The following RAB7A variants were observed in gnomAD, a reference collection of about 807,000 sequenced individuals.
RAB7A encodes ras-related protein Rab-7a.
RAB7A carries 2 observed loss-of-function variants against 24.5 expected under a neutral mutation model. That is an observed-to-expected ratio of 0.08 (90% CI 0.03 to 0.26). RAB7A has a LOEUF of 0.26. Among genes scored for constraint, RAB7A ranks in the 10% least tolerant of loss-of-function variants. The pLI is 1.00. For missense variants in RAB7A, 118 were observed against 255.7 expected, an observed-to-expected ratio of 0.46 and a Z score of 3.67; for synonymous variants, 100 against 95.9, an observed-to-expected ratio of 1.04 and a Z score of -0.25.
At chr3:128,761,717 C>T (rs530416845) in intron 1 of RAB7A, among the ~76,000 whole-genome samples, 83 of 152,310 alleles carry the variant, frequency 5.4e-4, no homozygotes, top group African/African-American at 2.0e-3. Flanking sequence ...CAGCTGTCAA[C>T]CTATAAATCC....
chr3:128,735,243 GAGTTGGGAAACCATTAT>G (rs2070479797), intron 1 of RAB7A, among the ~76,000 whole-genome samples: 1 of 152,218 alleles, frequency 6.6e-6, no homozygotes, highest in Non-Finnish European at 1.5e-5. Flanking sequence ...AGGCAGGTGA[GAGTTGGGAAACCATTAT>G]AGTTGGAAAG....
At chr3:128,789,536 T>C (rs1197370404) in intron 1 of RAB7A, among the ~76,000 whole-genome samples, 1 of 152,062 alleles carries the variant, frequency 6.6e-6, no homozygotes, top group Non-Finnish European at 1.5e-5. Flanking sequence ...TTTTACCATG[T>C]TGGCCAGGCT....
At chr3:128,786,097 A>G (rs1933333656) in intron 1 of RAB7A, among the ~76,000 whole-genome samples, 1 of 152,106 alleles carries the variant, frequency 6.6e-6, no homozygotes. Context: ...AAACCAAGTG[A>G]CTCCTGATGA....
chr3:128,730,488 A>G (rs1347377500), intron 1 of RAB7A, among the ~76,000 whole-genome samples: 1 of 152,186 alleles, frequency 6.6e-6, no homozygotes, highest in African/African-American at 2.4e-5. Context: ...TCGGCCTCCC[A>G]AAGTGCTGGA....
intron 1 of RAB7A, among the ~76,000 whole-genome samples, chr3:128,778,843 C>G (rs113361757): frequency 0.012 from 1,822 of 152,096 alleles, 32 homozygotes; most frequent in African/African-American, 0.039. Context: ...TTTTGGTGAT[C>G]GATAGACTGG....
chr3:128,737,875 C>T (rs1442973632), intron 1 of RAB7A, among the ~76,000 whole-genome samples: 6 of 122,490 alleles, frequency 4.9e-5, no homozygotes, highest in African/African-American at 6.4e-5. Context: ...AGAGTTTCAC[C>T]GTGTTGCCTA....
At chr3:128,763,537 A>C (rs1185107315) in intron 1 of RAB7A, among the ~76,000 whole-genome samples, 1 of 152,114 alleles carries the variant, frequency 6.6e-6, no homozygotes, top group Non-Finnish European at 1.5e-5. Context: ...ATTTTTGACA[A>C]GAATACTTCA....
intron 1 of RAB7A, among the ~76,000 whole-genome samples, chr3:128,749,696 A>G (rs1302084593): frequency 6.6e-6 from 1 of 152,078 alleles, no homozygotes; most frequent in African/African-American, 2.4e-5. Context: ...GGCTATTGAG[A>G]GTTTCCCTGC....
chr3:128,762,604 T>A (rs1259282782), intron 1 of RAB7A, among the ~76,000 whole-genome samples: 1 of 152,180 alleles, frequency 6.6e-6, no homozygotes, highest in Admixed American at 6.5e-5. Context: ...TGAGAGTTAC[T>A]GGTCAGACAA....
rs1174944964 is a variant in RAB7A at position 128,763,208 on chromosome 3, A to ATTTTTTTTT, written c.-8-32136_-8-32128dup. Among the ~76,000 whole-genome samples the ATTTTTTTTT allele has an allele frequency of 2.2e-4, 17 of 76,058 alleles. 1 individual carries two copies. Among genetic ancestry groups the ATTTTTTTTT allele is most frequent in the African/African-American group, 6.5e-4 (8 of 12,250 alleles). The allele number at this position is 76,058 out of a possible 152,430, so 49.9% of individuals were successfully genotyped here. ...TTAGCTTATATATATATATATATAT[A>ATTTTTTTTT]TTTTTTTTTTTTTTTTTTTTTTTTG... On this transcript the variant is annotated intron_variant, in intron 1 of 5. Transcript: ENST00000265062.
chr3:128,786,159 C>T (rs1449199924), intron 1 of RAB7A, among the ~76,000 whole-genome samples: 1 of 152,204 alleles, frequency 6.6e-6, no homozygotes, highest in East Asian at 1.9e-4. Flanking sequence ...TCCCTATAGG[C>T]TTGGTTTGTT....
intron 1 of RAB7A, among the ~76,000 whole-genome samples, chr3:128,733,572 A>G (rs1417096248): frequency 6.6e-6 from 1 of 152,160 alleles, no homozygotes; most frequent in Non-Finnish European, 1.5e-5. Flanking sequence ...TGTCGGGAGG[A>G]TTAGTTTCTT....
At chr3:128,737,035 T>A (rs2070496029) in intron 1 of RAB7A, among the ~76,000 whole-genome samples, 1 of 48,118 alleles carries the variant, frequency 2.1e-5, no homozygotes. Context: ...TCCTAAGAAA[T>A]TTATTTATTT....
At chr3:128,744,497 C>T (rs2070589021) in intron 1 of RAB7A, among the ~76,000 whole-genome samples, 1 of 152,110 alleles carries the variant, frequency 6.6e-6, no homozygotes, top group Admixed American at 6.5e-5. Context: ...GACTACATTC[C>T]ACTGTAATAA....
intron 1 of RAB7A, among the ~76,000 whole-genome samples, chr3:128,754,504 G>A (rs1023574427): frequency 8.5e-5 from 13 of 152,266 alleles, no homozygotes; most frequent in African/African-American, 3.1e-4. Context: ...GCAGGAAATA[G>A]GGGACAAAAC....
intron 1 of RAB7A, among the ~76,000 whole-genome samples, chr3:128,788,132 G>T (rs1318787015): frequency 1.3e-5 from 2 of 152,222 alleles, no homozygotes; most frequent in African/African-American, 2.4e-5. Context: ...CTGCCCGTTA[G>T]TCACTTAGTA....
intron 1 of RAB7A, among the ~76,000 whole-genome samples, chr3:128,735,128 C>T (rs781035047): frequency 1.3e-5 from 2 of 152,096 alleles, no homozygotes; most frequent in Admixed American, 6.5e-5. Flanking sequence ...GAGAATTATT[C>T]AGGAATAATT....
rs529553273 is a variant in RAB7A, at chr3:128,743,420, G to A, written c.-9+17061G>A. Among the ~76,000 whole-genome samples the A allele has an allele frequency of 5.2e-3, 797 of 152,368 alleles. 6 individuals are homozygous for A. Among genetic ancestry groups the A allele is most frequent in the African/African-American group, 0.018 (757 of 41,582 alleles). On this transcript the variant is annotated intron_variant, in intron 1 of 5. Coordinates refer to ENST00000265062, the MANE Select transcript of RAB7A (RefSeq NM_004637.6). ...GTCCTCAAGCATGGCCAGAGCAGAC[G>A]CCGAGGCCGAGGAGGTGCTGAGAGC...
intron 1 of RAB7A, among the ~76,000 whole-genome samples, chr3:128,729,194 TTATAG>T (rs981839469): frequency 2.0e-5 from 3 of 152,136 alleles, no homozygotes; most frequent in South Asian, 2.1e-4. Flanking sequence ...GAACAACTCT[TTATAG>T]TAAAGTGTGG....
Sources: allele counts gnomAD v4.1 joint callset (sites outside exome capture counted in the v4.1 genomes callset), GRCh38; gene constraint gnomAD v4.1.1; transcripts MANE v1.5; gene names NCBI Gene and HGNC (gene_info 2026-07-23, HGNC 2026-07-21).